SLC36A1: variants seen among roughly 807,000 people sequenced by gnomAD.
SLC36A1 encodes the protein solute carrier family 36 member 1, also known as proton-coupled amino acid transporter 1.
Under a neutral mutation model 47.5 loss-of-function variants are expected in SLC36A1, and 30 were observed. The observed-to-expected ratio is 0.63, with a 90% CI of 0.47 to 0.86. SLC36A1 has a LOEUF of 0.86. Among genes scored for constraint, SLC36A1 ranks in the 40% least tolerant of loss-of-function variants. SLC36A1 has a pLI of 0.00. For synonymous variants in SLC36A1, 255 were observed against 249.7 expected, an observed-to-expected ratio of 1.02 and a Z score of -0.20; for missense variants, 517 against 606.0, an observed-to-expected ratio of 0.85 and a Z score of 1.54.
chr5:151,376,489 G>T, the SLC36A1 span, among the ~76,000 whole-genome samples: 1 of 151,918 alleles, frequency 6.6e-6, no homozygotes, highest in East Asian at 1.9e-4. Context: ...TGTTTTTCTA[G>T]TTCCCAGAGG....
At chr5:151,377,295 G>A in the SLC36A1 span, among the ~76,000 whole-genome samples, 1 of 150,512 alleles carries the variant, frequency 6.6e-6, no homozygotes, top group Non-Finnish European at 1.5e-5. Flanking sequence ...TCTGTCTAAT[G>A]CTATGAGTGG....
the SLC36A1 span, among the ~76,000 whole-genome samples, chr5:151,365,872 G>A: frequency 4.2e-4 from 64 of 152,264 alleles, no homozygotes; most frequent in African/African-American, 1.4e-3. Context: ...CCCACAGTGT[G>A]CCTCCATTGG....
At chr5:151,527,498 C>G in the SLC36A1 span, 1 of 906,032 alleles carries the variant, frequency 1.1e-6, no homozygotes, top group Admixed American at 3.2e-5. Flanking sequence ...TGCCCACCCC[C>G]ACTGCCCACC....
chr5:151,439,668 GAAAAAAA>G (rs202220864), intron 1 of SLC36A1, among the ~76,000 whole-genome samples: 1 of 133,444 alleles, frequency 7.5e-6, no homozygotes, highest in African/African-American at 2.7e-5. Context: ...AAAAAGAAAA[GAAAAAAA>G]AAAAAGAAAA....
the SLC36A1 span, among the ~76,000 whole-genome samples, chr5:151,424,702 A>G: frequency 6.6e-6 from 1 of 151,930 alleles, no homozygotes; most frequent in Non-Finnish European, 1.5e-5. Flanking sequence ...TAATAATAAT[A>G]GAAACCATTT....
chr5:151,382,541 C>T, the SLC36A1 span, among the ~76,000 whole-genome samples: 7 of 152,178 alleles, frequency 4.6e-5, no homozygotes, highest in Non-Finnish European at 1.0e-4. Flanking sequence ...GTGTTTTCCC[C>T]ACCAACTTAG....
rs1345241331 is a variant in SLC36A1 at position 151,467,343 on chromosome 5, T to G, written c.504+60T>G. On this transcript the variant is annotated intron_variant, in intron 6 of 10. Transcript: ENST00000243389. ...AAACCAGAGCGAGAATGGCAAAAGA[T>G]GATTGAAGTTTTTGTTTAGGATTTT... is the stretch of plus-strand genomic sequence containing the variant. The G allele has an allele frequency of 2.2e-5, 26 of 1,168,758 alleles. No individual in the cohort carries two copies. In the Admixed American group the frequency reaches 5.3e-4, roughly 24 times the overall value. 72.4% of individuals were successfully genotyped at this position (1,168,758 alleles called of 1,614,324 possible).
chr5:151,488,554 T>G lies in SLC36A1; in HGVS notation c.*300T>G. ...TCCTCCTTCCTACCTGCCTCCCCTCTGCTGGTGCACCTCGCCCAACTCATT... is the reference window on the plus strand; with the variant it reads ...TCCTCCTTCCTACCTGCCTCCCCTCGGCTGGTGCACCTCGCCCAACTCATT... On this transcript the variant is annotated 3_prime_UTR_variant, in exon 11 of 11. Transcript: ENST00000243389. 1 of 425,818 alleles carries G rather than the reference T, an allele frequency of 2.3e-6. No individual in the cohort carries two copies. Among genetic ancestry groups the G allele is most frequent in the Non-Finnish European group, 4.3e-6 (1 of 232,140 alleles). 26.4% of individuals were successfully genotyped at this position (425,818 alleles called of 1,614,324 possible). A position where few individuals can be genotyped will look rare whatever the true frequency, so the allele number is the denominator to read the frequency against.
the SLC36A1 span, chr5:151,546,074 T>C: frequency 1.2e-6 from 2 of 1,614,194 alleles, no homozygotes. Flanking sequence ...GAGGGGCTCA[T>C]AGCAGAGACA....
At chr5:151,546,732 T>G in the SLC36A1 span, among the ~76,000 whole-genome samples, 2 of 152,170 alleles carry the variant, frequency 1.3e-5, no homozygotes, top group Admixed American at 6.5e-5. Flanking sequence ...ACTTTTTTTT[T>G]TTTTAGAGTC....
the SLC36A1 span, among the ~76,000 whole-genome samples, chr5:151,410,333 T>G: frequency 2.2e-5 from 3 of 136,670 alleles, no homozygotes; most frequent in African/African-American, 7.9e-5. Context: ...CCTAGGCATC[T>G]TTTTTTTTTC....
chr5:151,464,452 G>A lies in SLC36A1; in HGVS notation c.235-62G>A, dbSNP rs189348031. The A allele has an allele frequency of 9.2e-4, 1,296 of 1,410,168 alleles. 2 individuals are homozygous for A. Among genetic ancestry groups the A allele is most frequent in the Non-Finnish European group, 1.2e-3 (1,209 of 1,002,006 alleles). 87.4% of individuals were successfully genotyped at this position (1,410,168 alleles called of 1,614,324 possible). On this transcript the variant is annotated intron_variant, in intron 3 of 10. Transcript: ENST00000243389. The stretch of plus-strand genomic sequence containing the variant: ...ATCCTTTGTGAACTGAGTATCCATT[G>A]GGTTCACTCCTAATTCTACCTACTT...
chr5:151,534,325 T>C, the SLC36A1 span: 16 of 1,121,462 alleles, frequency 1.4e-5, no homozygotes, highest in African/African-American at 2.5e-4. Context: ...TTACCAGTCC[T>C]AGAGAGACAC....
the SLC36A1 span, among the ~76,000 whole-genome samples, chr5:151,403,364 G>C: frequency 1.3e-5 from 2 of 152,160 alleles, no homozygotes. Context: ...TAAATCATGA[G>C]AGTGAATTTC....
the SLC36A1 span, among the ~76,000 whole-genome samples, chr5:151,392,916 G>A: frequency 6.6e-6 from 1 of 152,136 alleles, no homozygotes; most frequent in Non-Finnish European, 1.5e-5. Context: ...TGTCTATTAG[G>A]TCAGCTTGGT....
At chr5:151,519,367 C>G in the SLC36A1 span, among the ~76,000 whole-genome samples, 1 of 152,238 alleles carries the variant, frequency 6.6e-6, no homozygotes, top group Admixed American at 6.5e-5. Context: ...AAAATCCAAA[C>G]AAGTCCAAAA....
chr5:151,374,679 C>G, the SLC36A1 span, among the ~76,000 whole-genome samples: 10 of 152,124 alleles, frequency 6.6e-5, no homozygotes, highest in Admixed American at 5.2e-4. Flanking sequence ...AATTTACATT[C>G]TCTAATGCAA....
At chr5:151,496,283 C>T (rs993620558), downstream of SLC36A1, among the ~76,000 whole-genome samples, 4 of 152,200 alleles carry the variant, frequency 2.6e-5, no homozygotes, top group Non-Finnish European at 4.4e-5. Context: ...TTGCCTTCCG[C>T]CGCGATTGTG....
chr5:151,531,974 G>T, the SLC36A1 span: 1 of 1,613,912 alleles, frequency 6.2e-7, no homozygotes, highest in South Asian at 1.1e-5. This position sits in a 1 kb window ranked among gnomAD's most constrained non-coding sequence, Gnocchi z 5.7. Context: ...TTGGCGCCTG[G>T]CAGGGAGACC....
Sources: allele counts gnomAD v4.1 joint callset (sites outside exome capture counted in the v4.1 genomes callset), GRCh38; gene constraint gnomAD v4.1.1; non-coding constraint Gnocchi (gnomAD v3.1); transcripts MANE v1.5; gene names NCBI Gene and HGNC (gene_info 2026-07-23, HGNC 2026-07-21).